Variants in P2RY12 observed in about 807,000 individuals in gnomAD.
P2RY12 encodes P2Y purinoceptor 12.
Under a neutral mutation model 4.5 loss-of-function variants are expected in P2RY12, and 3 were observed. The observed-to-expected ratio is 0.67, with a 90% CI of 0.31 to 1.74. The LOEUF (loss-of-function observed/expected upper bound fraction) is 1.74. Among genes scored for constraint, P2RY12 ranks in the 40% most tolerant of loss-of-function variants. P2RY12 has a pLI of 0.09. For missense variants in P2RY12, 356 were observed against 407.8 expected (o/e 0.87, Z 1.09); for synonymous variants, 148 against 154.1 (o/e 0.96, Z 0.29).
rs768637244 is a variant in P2RY12, at chr3:151,382,716, C to T, written c.-180+1976G>A. On this transcript the variant is annotated intron_variant, in intron 1 of 2. Transcript: ENST00000302632. ...TGACATAAAAGCGCGGCAGATGATG[C>T]ACGAAGCATTGCAACTCCGCCTAAA... is the stretch of plus-strand genomic sequence containing the variant. The T allele has an allele frequency of 1.2e-5, 20 of 1,611,660 alleles. No individual in the cohort carries two copies. The highest frequency in any genetic ancestry group is 5.0e-5 in the Admixed American group (3 of 59,758).
chr3:151,350,346 G>A (rs1022251833), intron 1 of P2RY12: 3 of 671,096 alleles, frequency 4.5e-6, no homozygotes, highest in African/African-American at 1.8e-5. Flanking sequence ...ATGTGAACAA[G>A]CACATTTAAA....
At chr3:151,352,214 A>G (rs13095610) in intron 1 of P2RY12, among the ~76,000 whole-genome samples, 51,333 of 152,058 alleles carry the variant, frequency 0.34, 8,926 homozygotes, top group South Asian at 0.39. Flanking sequence ...GTGACCTGTT[A>G]TGTGAGATCA....
intron 1 of P2RY12, chr3:151,356,087 C>G (rs766989646): frequency 4.4e-6 from 7 of 1,577,122 alleles, no homozygotes; most frequent in Non-Finnish European, 6.0e-6. Context: ...GCAAATCCAC[C>G]AGGCATTGTG....
At chr3:151,357,055 T>C (rs1754020452) in intron 1 of P2RY12, among the ~76,000 whole-genome samples, 1 of 152,156 alleles carries the variant, frequency 6.6e-6, no homozygotes, top group African/African-American at 2.4e-5. Context: ...GAAGAACAAC[T>C]CTATAAATTG....
intron 1 of P2RY12, chr3:151,377,181 A>AT (rs758442743): frequency 6.9e-6 from 11 of 1,601,644 alleles, no homozygotes; most frequent in Non-Finnish European, 9.4e-6. Context: ...TTCCTAAGGT[A>AT]TTTTTGTCTG....
chr3:151,343,089 C>T (rs1268956685), intron 1 of P2RY12, among the ~76,000 whole-genome samples: 2 of 152,134 alleles, frequency 1.3e-5, no homozygotes, highest in African/African-American at 2.4e-5. Context: ...CCCTCTCCCA[C>T]TAAGAGGCCC....
intron 1 of P2RY12, chr3:151,369,447 C>T (rs1271711009): frequency 1.2e-6 from 2 of 1,600,648 alleles, no homozygotes; most frequent in African/African-American, 1.3e-5. Flanking sequence ...CAAACCTTTC[C>T]CTGGAATAAG....
chr3:151,339,243 G>A (rs1751462718), intron 2 of P2RY12, among the ~76,000 whole-genome samples: 1 of 151,718 alleles, frequency 6.6e-6, no homozygotes. Flanking sequence ...TAGCTTTTTG[G>A]TTTCTATTCA....
chr3:151,368,021 G>A lies in P2RY12; in HGVS notation c.-180+16671C>T, dbSNP rs1755502503. The A allele has an allele frequency of 1.5e-5, 13 of 850,704 alleles. No homozygotes were observed. The South Asian group carries it at 2.3e-4, about 15-fold the overall frequency. 52.7% of individuals were successfully genotyped at this position (850,704 alleles called of 1,614,324 possible). On this transcript the variant is annotated intron_variant, in intron 1 of 2. Transcript: ENST00000302632. ...AAGATTTCTCAGAAAAATAGCCAGG[G>A]CCTTATTTTCTTACCATAAGGAAAA...
intron 1 of P2RY12, among the ~76,000 whole-genome samples, chr3:151,357,675 G>A (rs73006595): frequency 6.6e-6 from 1 of 152,104 alleles, no homozygotes; most frequent in Non-Finnish European, 1.5e-5. Flanking sequence ...CAGCATCCTG[G>A]CATATTATGA....
chr3:151,352,401 A>T (rs185745701), intron 1 of P2RY12, among the ~76,000 whole-genome samples: 164 of 152,330 alleles, frequency 1.1e-3, no homozygotes, highest in Non-Finnish European at 1.3e-4. Flanking sequence ...TTTTAGATAA[A>T]GTTCCTTAAC....
intron 1 of P2RY12, among the ~76,000 whole-genome samples, chr3:151,358,159 T>C (rs1220496089): frequency 6.6e-6 from 1 of 152,182 alleles, no homozygotes; most frequent in Non-Finnish European, 1.5e-5. Flanking sequence ...TATCCTAGAA[T>C]GATATCAATT....
At chr3:151,374,715 T>C (rs1035892954) in intron 1 of P2RY12, among the ~76,000 whole-genome samples, 6 of 152,218 alleles carry the variant, frequency 3.9e-5, no homozygotes, top group African/African-American at 1.4e-4. Flanking sequence ...GTGTATTCTT[T>C]ATGTGAAATA....
At chr3:151,377,097 G>A (rs1450257117) in intron 1 of P2RY12, 2 of 1,613,932 alleles carry the variant, frequency 1.2e-6, no homozygotes, top group African/African-American at 1.3e-5. Flanking sequence ...TCTAATTCTG[G>A]CATGAGCCTC....
chr3:151,351,930 A>C (rs1047569720), intron 1 of P2RY12, among the ~76,000 whole-genome samples: 4 of 152,218 alleles, frequency 2.6e-5, no homozygotes, highest in African/African-American at 7.2e-5. Flanking sequence ...ATGAACTCAC[A>C]AAGCGAAAAA....
chr3:151,368,814 T>G (rs909716571), intron 1 of P2RY12, among the ~76,000 whole-genome samples: 5 of 150,274 alleles, frequency 3.3e-5, no homozygotes, highest in African/African-American at 1.2e-4. Context: ...CAGGCTGGAG[T>G]ACAGTGGTGT....
chr3:151,359,630 C>G (rs890451531), intron 1 of P2RY12, among the ~76,000 whole-genome samples: 2 of 152,128 alleles, frequency 1.3e-5, no homozygotes, highest in Admixed American at 6.6e-5. Context: ...AGCAAGTCAC[C>G]CCACCTTTCT....
In P2RY12 at chr3:151,355,967, C is replaced by T; in HGVS notation, c.-179-15207G>A. On this transcript the variant is annotated intron_variant, in intron 1 of 2. Transcript: ENST00000302632. ...CATCCTATCATCTCCCTTTGGCTCA[C>T]CACATTCAGCTCATCTTTGATCTCA... 7 of 1,614,110 alleles carry T rather than the reference C, an allele frequency of 4.3e-6. 1 individual carries two copies. In the South Asian group the frequency reaches 7.7e-5, roughly 18 times the overall value.
intron 1 of P2RY12, among the ~76,000 whole-genome samples, chr3:151,368,692 TTCATTTC>T (rs1755735584): frequency 2.7e-5 from 1 of 36,504 alleles, no homozygotes; most frequent in Non-Finnish European, 5.1e-5. Context: ...TTCATTTTAT[TTCATTTC>T]ATTTCATTTC....
Sources: allele counts gnomAD v4.1 joint callset (sites outside exome capture counted in the v4.1 genomes callset), GRCh38; gene constraint gnomAD v4.1.1; transcripts MANE v1.5; gene names NCBI Gene and HGNC (gene_info 2026-07-23, HGNC 2026-07-21).